INPP4B: variants seen among roughly 807,000 people sequenced by gnomAD.
INPP4B encodes inositol polyphosphate-4-phosphatase type II B.
A neutral mutation model predicts 122.5 loss-of-function variants in INPP4B; 55 were observed. The observed-to-expected ratio is 0.45, with a 90% CI of 0.36 to 0.56. The LOEUF (loss-of-function observed/expected upper bound fraction) is 0.56. Among genes scored for constraint, INPP4B ranks in the 20% least tolerant of loss-of-function variants. INPP4B has a pLI of 0.00. For missense variants in INPP4B, 1,000 were observed against 1,097.7 expected (o/e 0.91, Z 1.26); for synonymous variants, 403 against 388.7 (o/e 1.04, Z -0.43).
At chr4:142,431,136 T>C in intron 4 of INPP4B, 33 bp downstream of exon 4, 1 of 1,537,286 alleles carries the variant, frequency 6.5e-7, no homozygotes, top group Admixed American at 1.7e-5. Context: ...CATCTTTAGA[T>C]GCAAAAACAG....
At chr4:142,650,262 A>T (rs1415513249) in intron 2 of INPP4B, among the ~76,000 whole-genome samples, 1 of 152,232 alleles carries the variant, frequency 6.6e-6, no homozygotes, top group African/African-American at 2.4e-5. Flanking sequence ...CTGCAAAAAC[A>T]TGCCAAATTG....
intron 2 of INPP4B, among the ~76,000 whole-genome samples, chr4:142,601,477 A>C (rs1560850839): frequency 6.6e-6 from 1 of 152,016 alleles, no homozygotes; most frequent in Non-Finnish European, 1.5e-5. Flanking sequence ...AGAAATTAAG[A>C]TGAAAATCAA....
At chr4:142,222,113 C>T (rs1200516685) in intron 12 of INPP4B, among the ~76,000 whole-genome samples, 1 of 152,192 alleles carries the variant, frequency 6.6e-6, no homozygotes, top group Non-Finnish European at 1.5e-5. Flanking sequence ...GTGGGTGCCA[C>T]CACACCCAGC....
chr4:142,595,529 G>A (rs1738505618), intron 2 of INPP4B, among the ~76,000 whole-genome samples: 1 of 152,140 alleles, frequency 6.6e-6, no homozygotes, highest in Admixed American at 6.5e-5. Flanking sequence ...TATACTTAAT[G>A]GGAACAGAAA....
intron 2 of INPP4B, among the ~76,000 whole-genome samples, chr4:142,555,819 C>A (rs944395140): frequency 1.4e-5 from 2 of 140,702 alleles, no homozygotes; most frequent in African/African-American, 2.7e-5. Context: ...TGCAGTGAGC[C>A]AAGATCATGC....
At chr4:142,801,101 T>C (rs1286914184) in intron 1 of INPP4B, among the ~76,000 whole-genome samples, 1 of 147,334 alleles carries the variant, frequency 6.8e-6, no homozygotes, top group Admixed American at 6.8e-5. Context: ...GAAAAAAAAA[T>C]GGAGTATGAA....
At chr4:142,767,970 G>T (rs535797749) in intron 1 of INPP4B, 1 of 152,264 alleles carries the variant, frequency 6.6e-6, no homozygotes, top group East Asian at 1.9e-4. Context: ...ACTTGTGCAT[G>T]GGGTGAGACA....
chr4:142,668,790 T>C (rs1425721607), intron 2 of INPP4B, among the ~76,000 whole-genome samples: 2 of 152,130 alleles, frequency 1.3e-5, no homozygotes, highest in Non-Finnish European at 2.9e-5. Context: ...GGCTCATGCC[T>C]GTAATCCCAG....
intron 1 of INPP4B, among the ~76,000 whole-genome samples, chr4:142,810,247 A>G (rs574462631): frequency 1.1e-4 from 16 of 152,208 alleles, no homozygotes; most frequent in Non-Finnish European, 1.8e-4. Flanking sequence ...TAAAATGGTT[A>G]GAAGTGTAAA....
At position 142,112,576 on chromosome 4, in the gene INPP4B, C is replaced by T. The variant is rs72946960; in HGVS notation, c.2242G>A (p.Val748Ile). ...AGAGTTTGCTGTTCATTGATTCCAA[C>T]ATTAAAAAGTACTGGATACACATGA... ...LLHVYPVLFNVGINEQQTLAE... is the reference protein window; with the variant it reads ...LLHVYPVLFNIGINEQQTLAE... The change falls in exon 22 of 26, where the codon GTT becomes ATT. Residue 748 changes from valine (V) to isoleucine (I), a missense_variant. Coordinates refer to ENST00000262992, the MANE Select transcript of INPP4B (RefSeq NM_001101669.3). 444 of 1,613,162 alleles carry T rather than the reference C, an allele frequency of 2.8e-4. 1 individual carries two copies. The African/African-American group carries it at 5.3e-3, about 19-fold the overall frequency.
intron 2 of INPP4B, among the ~76,000 whole-genome samples, chr4:142,717,043 TAACC>T: frequency 6.6e-6 from 1 of 152,352 alleles, no homozygotes; most frequent in Non-Finnish European, 1.5e-5. Flanking sequence ...GTCTTCATAA[TAACC>T]CTAGGTATGA....
chr4:142,416,506 A>G (rs1315251766), intron 5 of INPP4B, among the ~76,000 whole-genome samples: 2 of 152,140 alleles, frequency 1.3e-5, no homozygotes, highest in Admixed American at 1.3e-4. Context: ...TTTGGGCTTA[A>G]TGGCTATGTG....
chr4:142,506,489 G>A (rs1824039720), intron 2 of INPP4B, among the ~76,000 whole-genome samples: 1 of 152,260 alleles, frequency 6.6e-6, no homozygotes, highest in African/African-American at 2.4e-5. Context: ...TCAAGCAGCA[G>A]CCTGTTATAG....
intron 1 of INPP4B, among the ~76,000 whole-genome samples, chr4:142,746,985 C>A (rs1182218550): frequency 6.6e-6 from 1 of 152,012 alleles, no homozygotes. Context: ...GACTAAAACA[C>A]CAAAAGCAAT....
intron 2 of INPP4B, among the ~76,000 whole-genome samples, chr4:142,702,629 C>T (rs1761950497): frequency 6.8e-6 from 1 of 148,132 alleles, no homozygotes; most frequent in Non-Finnish European, 1.5e-5. Context: ...ACTCGGGAGG[C>T]TGAGGCAGGA....
At chr4:142,147,761 T>C (rs1200815143) in intron 17 of INPP4B, among the ~76,000 whole-genome samples, 1 of 152,184 alleles carries the variant, frequency 6.6e-6, no homozygotes, top group African/African-American at 2.4e-5. Flanking sequence ...TCCCCTAAAG[T>C]CAGATCTTTC....
chr4:142,452,460 G>A (rs1814506109), intron 3 of INPP4B, among the ~76,000 whole-genome samples: 3 of 152,162 alleles, frequency 2.0e-5, no homozygotes, highest in Admixed American at 6.5e-5. Flanking sequence ...CATGCTTGAT[G>A]GAATCTCCAT....
At chr4:142,044,671 T>C (rs1750340039) in intron 25 of INPP4B, among the ~76,000 whole-genome samples, 1 of 152,070 alleles carries the variant, frequency 6.6e-6, no homozygotes. Context: ...CGTTTTAAGA[T>C]ATATGAAATG....
rs5862582 is a variant in INPP4B at position 142,306,229 on chromosome 4, G to GTTTTTT, written c.424-698_424-693dup. Reference sequence around the variant, plus strand: ...AATGTAAAGAATAAAACTCCAAATTGTTTTTTTTTTTTTTTTTCTTTCCCA... The same window carrying GTTTTTT: ...AATGTAAAGAATAAAACTCCAAATTGTTTTTTTTTTTTTTTTTTTTTTTCTTTCCCA... On this transcript the variant is annotated intron_variant, in intron 8 of 25. Transcript: ENST00000262992. Among the ~76,000 whole-genome samples, 10 of 135,902 alleles carry GTTTTTT rather than the reference G, an allele frequency of 7.4e-5. 1 individual carries two copies. The highest frequency in any genetic ancestry group is 9.6e-5 in the Non-Finnish European group (6 of 62,674). The allele number at this position is 135,902 out of a possible 152,430, so 89.2% of individuals were successfully genotyped here.
Sources: allele counts gnomAD v4.1 joint callset (sites outside exome capture counted in the v4.1 genomes callset), GRCh38; gene constraint gnomAD v4.1.1; transcripts MANE v1.5; gene names NCBI Gene and HGNC (gene_info 2026-07-23, HGNC 2026-07-21).